The following PALM2AKAP2 variants were observed in gnomAD, a reference collection of about 807,000 sequenced individuals.
PALM2AKAP2 encodes PALM2-AKAP2 fusion protein.
PALM2AKAP2 carries 37 observed loss-of-function variants against 71.5 expected under a neutral mutation model. That is an observed-to-expected ratio of 0.52 (90% CI 0.40 to 0.68). The LOEUF (loss-of-function observed/expected upper bound fraction) is 0.68. Among genes scored for constraint, PALM2AKAP2 ranks in the 30% least tolerant of loss-of-function variants. The pLI is 0.00. For synonymous variants in PALM2AKAP2, 468 were observed against 478.8 expected, an observed-to-expected ratio of 0.98 and a Z score of 0.29; for missense variants, 1,224 against 1,191.8, an observed-to-expected ratio of 1.03 and a Z score of -0.40.
intron 3 of PALM2AKAP2, among the ~76,000 whole-genome samples, chr9:109,918,015 C>T (rs1337865373): frequency 6.6e-6 from 1 of 152,234 alleles, no homozygotes; most frequent in African/African-American, 2.4e-5. Context: ...GTCCCCACCA[C>T]ACACTCCCAG....
At chr9:109,843,540 G>T (rs533869262) in intron 1 of PALM2AKAP2, among the ~76,000 whole-genome samples, 1 of 151,954 alleles carries the variant, frequency 6.6e-6, no homozygotes, top group African/African-American at 2.4e-5. Context: ...TACACACATG[G>T]TATGTGCTCA....
intron 3 of PALM2AKAP2, among the ~76,000 whole-genome samples, chr9:109,892,296 T>G (rs1830107132): frequency 6.6e-6 from 1 of 152,204 alleles, no homozygotes; most frequent in Non-Finnish European, 1.5e-5. Flanking sequence ...CATGGGCTTC[T>G]CCTCTTGTCT....
chr9:109,644,528 A>G (rs1827120473), intron 1 of PALM2AKAP2, among the ~76,000 whole-genome samples: 1 of 152,218 alleles, frequency 6.6e-6, no homozygotes, highest in South Asian at 2.1e-4. Context: ...TGAGAGATAG[A>G]TGTTAAATCA....
chr9:109,654,909 G>A (rs1827277892), intron 1 of PALM2AKAP2, among the ~76,000 whole-genome samples: 1 of 152,066 alleles, frequency 6.6e-6, no homozygotes, highest in Non-Finnish European at 1.5e-5. Context: ...AATTAGAAAA[G>A]GATTCCTAAG....
chr9:109,883,447 C>T (rs1197116398), intron 3 of PALM2AKAP2, among the ~76,000 whole-genome samples: 1 of 152,176 alleles, frequency 6.6e-6, no homozygotes, highest in Non-Finnish European at 1.5e-5. Flanking sequence ...CTCCCTGGAG[C>T]TGCTTTCTGT....
At chr9:109,733,716 G>T (rs1029884728) in intron 1 of PALM2AKAP2, among the ~76,000 whole-genome samples, 1 of 152,160 alleles carries the variant, frequency 6.6e-6, no homozygotes, top group Admixed American at 6.5e-5. Flanking sequence ...TTTAATCACA[G>T]CATTTAATGT....
At chr9:109,811,950 C>T (rs1182700557) in intron 1 of PALM2AKAP2, among the ~76,000 whole-genome samples, 1 of 152,228 alleles carries the variant, frequency 6.6e-6, no homozygotes, top group Non-Finnish European at 1.5e-5. Context: ...AATCCCAGTG[C>T]TGTTGGCAGA....
intron 1 of PALM2AKAP2, among the ~76,000 whole-genome samples, chr9:110,090,717 T>A (rs1261084155): frequency 6.6e-6 from 1 of 152,212 alleles, no homozygotes; most frequent in Non-Finnish European, 1.5e-5. Flanking sequence ...TATTGTGAAT[T>A]ATTTATTTTT....
At chr9:109,830,968 G>A (rs1008216235) in intron 1 of PALM2AKAP2, among the ~76,000 whole-genome samples, 1 of 152,092 alleles carries the variant, frequency 6.6e-6, no homozygotes, top group African/African-American at 2.4e-5. Flanking sequence ...TGGAACAGCA[G>A]ATTTAGGGGT....
intron 6 of PALM2AKAP2, chr9:109,946,774 ATC>A (rs1831519818): frequency 6.6e-6 from 1 of 151,336 alleles, no homozygotes; most frequent in Non-Finnish European, 1.5e-5. Context: ...AAGGGGGGGT[ATC>A]TCATTTGTAT....
Position 110,035,481 on chromosome 9 carries a change from G to A in PALM2AKAP2, c.582+19442G>A, listed in dbSNP as rs993035073. ...TATATGTATATATATGATATGTTGTGTGTTATATATAACATATATATGATA... is the reference window on the plus strand; with the variant it reads ...TATATGTATATATATGATATGTTGTATGTTATATATAACATATATATGATA... On this transcript the variant is annotated intron_variant, in intron 7 of 9. Transcript: ENST00000302798. 2.1e-5 allele frequency among the ~76,000 whole-genome samples: 3 copies of A among 141,620 alleles called. No homozygotes were observed. In the Admixed American group the frequency reaches 2.2e-4, roughly 10 times the overall value. The allele number at this position is 141,620 out of a possible 152,430, so 92.9% of individuals were successfully genotyped here.
chr9:109,860,449 C>T (rs1304425250), intron 1 of PALM2AKAP2, among the ~76,000 whole-genome samples: 1 of 152,086 alleles, frequency 6.6e-6, no homozygotes, highest in African/African-American at 2.4e-5. Flanking sequence ...CCAGATAAAA[C>T]CTAGGTATCC....
chr9:109,929,454 C>A (rs1831039738), intron 5 of PALM2AKAP2, among the ~76,000 whole-genome samples: 1 of 152,124 alleles, frequency 6.6e-6, no homozygotes, highest in South Asian at 2.1e-4. Context: ...GCCCCTACCC[C>A]CTCAGGACTA....
intron 3 of PALM2AKAP2, among the ~76,000 whole-genome samples, chr9:109,890,343 T>C (rs1229851505): frequency 6.6e-6 from 1 of 152,220 alleles, no homozygotes; most frequent in Non-Finnish European, 1.5e-5. Context: ...CCGAGGCTGC[T>C]TGATACTCAT....
chr9:109,862,389 C>G (rs1829333074), intron 1 of PALM2AKAP2, among the ~76,000 whole-genome samples: 2 of 152,162 alleles, frequency 1.3e-5, no homozygotes, highest in South Asian at 4.1e-4. Flanking sequence ...CTCTGCCTCC[C>G]TCTGCATGTT....
chr9:109,973,145 T>C (rs1349190456), intron 6 of PALM2AKAP2, among the ~76,000 whole-genome samples: 1 of 152,194 alleles, frequency 6.6e-6, no homozygotes, highest in Non-Finnish European at 1.5e-5. Context: ...TGCCACAAAG[T>C]GCCACCTTAA....
chr9:110,132,336 A>G (rs967857175), intron 1 of PALM2AKAP2, among the ~76,000 whole-genome samples: 1 of 150,288 alleles, frequency 6.7e-6, no homozygotes, highest in African/African-American at 2.4e-5. Flanking sequence ...CTGGGATTAC[A>G]GGGGTGAGCC....
chr9:110,115,374 G>A (rs1026497607), intron 1 of PALM2AKAP2, among the ~76,000 whole-genome samples: 1 of 152,218 alleles, frequency 6.6e-6, no homozygotes, highest in Non-Finnish European at 1.5e-5. Context: ...CTGGTACCAT[G>A]CTCAGAATCC....
At chr9:110,129,506 A>G (rs1054992492) in intron 1 of PALM2AKAP2, among the ~76,000 whole-genome samples, 2 of 152,198 alleles carry the variant, frequency 1.3e-5, no homozygotes, top group South Asian at 2.1e-4. Context: ...CTATTTCTCT[A>G]TACCTCTTAT....
Sources: gnomAD v4.1 joint callset for allele counts (sites outside exome capture counted in the v4.1 genomes callset) on GRCh38, gnomAD v4.1.1 for gene constraint, MANE v1.5 for transcripts, NCBI Gene and HGNC (gene_info 2026-07-23, HGNC 2026-07-21) for gene names.